The following MLLT10 variants were observed in gnomAD, a reference collection of about 807,000 sequenced individuals.
MLLT10 encodes the protein protein AF-10.
In MLLT10, 30 loss-of-function variants were observed where a neutral mutation model predicts 129.1. That is an observed-to-expected ratio of 0.23 (90% CI 0.17 to 0.32). The LOEUF (loss-of-function observed/expected upper bound fraction) is 0.32. MLLT10 is among the 10% of genes least tolerant of loss of function. The pLI is 1.00. For missense variants in MLLT10, 1,119 were observed against 1,268.3 expected, an observed-to-expected ratio of 0.88 and a Z score of 1.79; for synonymous variants, 490 against 446.4, an observed-to-expected ratio of 1.10 and a Z score of -1.23.
intron 3 of MLLT10, among the ~76,000 whole-genome samples, chr10:21,573,982 T>A (rs2040479955): frequency 6.6e-6 from 1 of 152,198 alleles, no homozygotes; most frequent in Admixed American, 6.5e-5. Flanking sequence ...ATTTTTGGTA[T>A]ATTCATTGGT....
chr10:21,671,335 T>C (rs928453033), intron 10 of MLLT10, among the ~76,000 whole-genome samples: 1 of 152,204 alleles, frequency 6.6e-6, no homozygotes. Flanking sequence ...ATAAATGTTT[T>C]TTATTTATAT....
At chr10:21,611,834 C>T (rs565231817) in intron 5 of MLLT10, among the ~76,000 whole-genome samples, 8 of 152,226 alleles carry the variant, frequency 5.3e-5, no homozygotes, top group South Asian at 4.2e-4. Flanking sequence ...ACAGCCTACC[C>T]GTATAGGATT....
intron 9 of MLLT10, among the ~76,000 whole-genome samples, chr10:21,664,872 C>G (rs889901782): frequency 6.7e-6 from 1 of 150,088 alleles, no homozygotes; most frequent in African/African-American, 2.5e-5. Flanking sequence ...TTAGCTTTAG[C>G]TTGATGTTTC....
chr10:21,586,422 T>G, intron 4 of MLLT10, 74 bp downstream of exon 4: 2 of 1,079,306 alleles, frequency 1.9e-6, no homozygotes, highest in Non-Finnish European at 2.7e-6. Flanking sequence ...TATTTGGTAG[T>G]TTATTTTATT....
chr10:21,654,831 A>G (rs183066627), intron 9 of MLLT10, among the ~76,000 whole-genome samples: 3 of 152,254 alleles, frequency 2.0e-5, no homozygotes, highest in East Asian at 1.9e-4. Context: ...AATGAGGACA[A>G]TAGATGAGGG....
In MLLT10 at chr10:21,557,323, C is replaced by G. The variant is rs573686055; in HGVS notation, c.240+18411C>G. ...CACTGTCCATTTTGTTCTTCAGTGA[C>G]TCTTAACATAAAAGATCCACGTACA... On this transcript the variant is annotated intron_variant, in intron 3 of 22. Coordinates refer to ENST00000307729, the MANE Select transcript of MLLT10 (RefSeq NM_001195626.3). 4 of 370,018 alleles carry G rather than the reference C, an allele frequency of 1.1e-5. No homozygotes were observed. In the South Asian group the frequency reaches 3.7e-4, roughly 34 times the overall value. 22.9% of individuals were successfully genotyped at this position (370,018 alleles called of 1,614,324 possible). A position where few individuals can be genotyped will look rare whatever the true frequency, so the allele number is the denominator to read the frequency against.
At chr10:21,547,691 A>G (rs2036324611) in intron 3 of MLLT10, among the ~76,000 whole-genome samples, 1 of 151,386 alleles carries the variant, frequency 6.6e-6, no homozygotes, top group Non-Finnish European at 1.5e-5. Flanking sequence ...GGCACATGCC[A>G]CCTTGTCCGG....
chr10:21,699,684 T>TAA (rs566165311), intron 13 of MLLT10, among the ~76,000 whole-genome samples: 13 of 141,524 alleles, frequency 9.2e-5, no homozygotes, highest in African/African-American at 1.8e-4. Context: ...CAGTTGGCTG[T>TAA]AAAAAAAAAA....
intron 7 of MLLT10, among the ~76,000 whole-genome samples, chr10:21,615,971 A>G (rs1026036464): frequency 1.1e-4 from 16 of 152,038 alleles, no homozygotes; most frequent in African/African-American, 3.6e-4. Flanking sequence ...TTTGGTTTCT[A>G]ATTTTTAAAT....
At chr10:21,687,671 A>C (rs1483464888) in intron 13 of MLLT10, among the ~76,000 whole-genome samples, 1 of 152,212 alleles carries the variant, frequency 6.6e-6, no homozygotes, top group East Asian at 1.9e-4. Context: ...GGTTAAAAAA[A>C]GGGGAAGGGA....
chr10:21,609,900 C>T (rs539259464), intron 5 of MLLT10, among the ~76,000 whole-genome samples: 4 of 152,238 alleles, frequency 2.6e-5, no homozygotes, highest in South Asian at 2.1e-4. Flanking sequence ...CACACACGCA[C>T]ATACACAGAT....
At chr10:21,695,885 C>G (rs1249300789) in intron 13 of MLLT10, among the ~76,000 whole-genome samples, 1 of 151,558 alleles carries the variant, frequency 6.6e-6, no homozygotes, top group Non-Finnish European at 1.5e-5. Context: ...AGAGCATAGA[C>G]CAAATTGGAC....
chr10:21,533,933 C>G (rs1331833746), upstream of MLLT10, among the ~76,000 whole-genome samples: 2 of 152,144 alleles, frequency 1.3e-5, no homozygotes, highest in Non-Finnish European at 2.9e-5. Flanking sequence ...GTCCACCTCC[C>G]CCGCCACCTC....
chr10:21,738,369 G>C (rs1165201175), intron 21 of MLLT10: 2 of 1,275,666 alleles, frequency 1.6e-6, no homozygotes, highest in Non-Finnish European at 2.0e-6. Flanking sequence ...TTATTTGGGT[G>C]TCTTCCTATT....
intron 8 of MLLT10, among the ~76,000 whole-genome samples, chr10:21,640,202 AT>A (rs1475957762): frequency 3.5e-5 from 5 of 144,176 alleles, no homozygotes; most frequent in Admixed American, 2.1e-4. Flanking sequence ...TATAATATTT[AT>A]ATATTATATT....
At chr10:21,720,829 G>A (rs1229129055) in intron 14 of MLLT10, among the ~76,000 whole-genome samples, 1 of 152,114 alleles carries the variant, frequency 6.6e-6, no homozygotes, top group Non-Finnish European at 1.5e-5. Context: ...GCTAAAATAT[G>A]AGCGCTTACC....
rs550076323 is a variant in MLLT10 at position 21,561,787 on chromosome 10, C to T, written c.240+22875C>T. Among the ~76,000 whole-genome samples, 52 of 152,208 alleles carry T rather than the reference C, an allele frequency of 3.4e-4. 1 individual carries two copies. In the South Asian group the frequency reaches 9.3e-3, roughly 27 times the overall value. On this transcript the variant is annotated intron_variant, in intron 3 of 22. Coordinates refer to ENST00000307729, the MANE Select transcript of MLLT10 (RefSeq NM_001195626.3). Reference sequence around the variant, plus strand: ...CTGAACTCTCTATTCTCTTTCAGTGCTCTGTTTTTATGCCAGTACAACAGT... The same window carrying T: ...CTGAACTCTCTATTCTCTTTCAGTGTTCTGTTTTTATGCCAGTACAACAGT...
Position 21,565,606 on chromosome 10 carries a change from CT to C in MLLT10, c.241-20671del, listed in dbSNP as rs1206656247. 3.2e-3 allele frequency among the ~76,000 whole-genome samples: 430 copies of C among 133,388 alleles called. 2 individuals are homozygous for C. Among genetic ancestry groups the C allele is most frequent in the East Asian group, 0.012 (56 of 4,644 alleles). 87.5% of individuals were successfully genotyped at this position (133,388 alleles called of 152,430 possible). On this transcript the variant is annotated intron_variant, in intron 3 of 22. Transcript: ENST00000307729. ...ACAGGTGTGAGCCACTGTGCCTGGC[CT>C]TTTTTTTTTTTTTTTTGAGACATGG...
chr10:21,580,740 C>T (rs915189963), intron 3 of MLLT10, among the ~76,000 whole-genome samples: 105 of 151,370 alleles, frequency 6.9e-4, no homozygotes, highest in African/African-American at 2.4e-3. Context: ...CTTGCACTGT[C>T]GCCTGGGCTG....
Sources: gnomAD v4.1 joint callset for allele counts (sites outside exome capture counted in the v4.1 genomes callset) on GRCh38, gnomAD v4.1.1 for gene constraint, MANE v1.5 for transcripts, NCBI Gene and HGNC (gene_info 2026-07-23, HGNC 2026-07-21) for gene names.